PHACTR1: variants seen among roughly 807,000 people sequenced by gnomAD.
PHACTR1 encodes the protein phosphatase and actin regulator 1, also known as RPEL repeat containing 1.
Under a neutral mutation model 69.2 loss-of-function variants are expected in PHACTR1, and 16 were observed. The ratio of observed to expected loss-of-function variants is 0.23; its 90% CI spans 0.16 to 0.35. PHACTR1 has a LOEUF of 0.35. PHACTR1 is among the 10% of genes least tolerant of loss of function. PHACTR1 has a pLI of 1.00. For missense variants in PHACTR1, 510 were observed against 734.7 expected (o/e 0.69, Z 3.54); for synonymous variants, 312 against 284.5 (o/e 1.10, Z -0.97).
intron 4 of PHACTR1, among the ~76,000 whole-genome samples, chr6:12,873,000 T>G (rs1322399852): frequency 1.3e-5 from 2 of 151,824 alleles, no homozygotes; most frequent in African/African-American, 4.8e-5. Flanking sequence ...CTTTCCTTCC[T>G]TCCTTCCTTT....
chr6:12,992,112 G>A (rs1796889774), intron 4 of PHACTR1, among the ~76,000 whole-genome samples: 1 of 152,080 alleles, frequency 6.6e-6, no homozygotes, highest in Non-Finnish European at 1.5e-5. Flanking sequence ...TAGGTTAATA[G>A]AAGACAAGGC....
intron 5 of PHACTR1, among the ~76,000 whole-genome samples, chr6:13,160,003 A>G (rs545500952): frequency 6.6e-6 from 1 of 152,346 alleles, no homozygotes; most frequent in South Asian, 2.1e-4. Context: ...GGAAGCTTAA[A>G]TGACATCATC....
chr6:13,047,668 G>T (rs1805288470), intron 4 of PHACTR1, among the ~76,000 whole-genome samples: 1 of 152,102 alleles, frequency 6.6e-6, no homozygotes. Context: ...CTCCACTGGG[G>T]TCCCAAATGG....
At chr6:13,142,804 C>G (rs1822700540) in intron 5 of PHACTR1, among the ~76,000 whole-genome samples, 1 of 151,040 alleles carries the variant, frequency 6.6e-6, no homozygotes, top group South Asian at 2.1e-4. Flanking sequence ...ATTACTGTGG[C>G]TTTGTAGTAA....
rs1335792838 is a variant in PHACTR1 at position 13,213,275 on chromosome 6, T to G, written c.986+7139T>G. Among the ~76,000 whole-genome samples, 4 of 152,246 alleles carry G rather than the reference T, an allele frequency of 2.6e-5. No individual in the cohort carries two copies. The East Asian group carries it at 7.7e-4, about 29-fold the overall frequency. ...TCTTTAACCTTTTATATTTTCTTTA[T>G]TCTAACAATTTGAACTGTTCCCTCT... is the stretch of plus-strand genomic sequence containing the variant. On this transcript the variant is annotated intron_variant, in intron 8 of 14. Coordinates refer to ENST00000332995, the MANE Select transcript of PHACTR1 (RefSeq NM_030948.6).
chr6:12,996,842 C>T (rs1404550303), intron 4 of PHACTR1, among the ~76,000 whole-genome samples: 1 of 152,118 alleles, frequency 6.6e-6, no homozygotes, highest in Non-Finnish European at 1.5e-5. Context: ...TTAACCCAAG[C>T]CAGCAAACTA....
chr6:13,043,602 C>T (rs1463850718), intron 4 of PHACTR1, among the ~76,000 whole-genome samples: 10 of 152,230 alleles, frequency 6.6e-5, no homozygotes, highest in Non-Finnish European at 1.0e-4. Flanking sequence ...GCTGCTTTTA[C>T]AGTGCATCAG....
At chr6:12,871,846 C>G (rs1336113037) in intron 4 of PHACTR1, among the ~76,000 whole-genome samples, 1 of 151,896 alleles carries the variant, frequency 6.6e-6, no homozygotes, top group Admixed American at 6.6e-5. Flanking sequence ...CTCCCATTTC[C>G]TCTGCATTGA....
chr6:13,034,260 G>A (rs1475795546), intron 4 of PHACTR1, among the ~76,000 whole-genome samples: 3 of 151,700 alleles, frequency 2.0e-5, no homozygotes, highest in South Asian at 4.2e-4. Flanking sequence ...CTCGTGATCC[G>A]CCCGCCTCGG....
intron 4 of PHACTR1, among the ~76,000 whole-genome samples, chr6:12,867,013 A>G (rs900647645): frequency 3.3e-5 from 5 of 152,148 alleles, no homozygotes; most frequent in African/African-American, 7.2e-5. Flanking sequence ...AGCTTAGCTA[A>G]TAGTTTGGAA....
chr6:13,160,356 T>C (rs1378637290), intron 6 of PHACTR1, 72 bp downstream of exon 6: 4 of 1,287,878 alleles, frequency 3.1e-6, no homozygotes, highest in Non-Finnish European at 4.5e-6. Context: ...TTGCTTGGAG[T>C]TCCATTTCAT....
intron 8 of PHACTR1, among the ~76,000 whole-genome samples, chr6:13,224,602 A>T (rs529523674): frequency 1.3e-5 from 2 of 152,324 alleles, no homozygotes; most frequent in South Asian, 4.1e-4. Context: ...TTATAAAAAA[A>T]ACTCGTGCTA....
At chr6:12,791,861 G>A (rs1048606474) in intron 4 of PHACTR1, among the ~76,000 whole-genome samples, 1 of 152,200 alleles carries the variant, frequency 6.6e-6, no homozygotes, top group Non-Finnish European at 1.5e-5. Flanking sequence ...TTGCCTGAGG[G>A]TTGCACCATA....
At chr6:12,959,176 C>CAAAAAAAAAAAAAAAAAAAAAA (rs70989814) in intron 4 of PHACTR1, among the ~76,000 whole-genome samples, 9 of 46,216 alleles carry the variant, frequency 1.9e-4, no homozygotes, top group African/African-American at 3.7e-4. Flanking sequence ...GACTTTATCT[C>CAAAAAAAAAAAAAAAAAAAAAA]AAAAAAAAAA....
At chr6:13,022,348 C>A (rs1264269161) in intron 4 of PHACTR1, among the ~76,000 whole-genome samples, 1 of 152,174 alleles carries the variant, frequency 6.6e-6, no homozygotes, top group Non-Finnish European at 1.5e-5. Context: ...GCTGGAGGTG[C>A]CTAAAACCTA....
At chr6:13,205,444 T>A (rs1765766318) in intron 7 of PHACTR1, among the ~76,000 whole-genome samples, 1 of 152,228 alleles carries the variant, frequency 6.6e-6, no homozygotes, top group African/African-American at 2.4e-5. Flanking sequence ...AACCATAGTT[T>A]GGCGTATCCT....
chr6:12,890,892 C>A (rs1025089095), intron 4 of PHACTR1, among the ~76,000 whole-genome samples: 1 of 152,174 alleles, frequency 6.6e-6, no homozygotes, highest in African/African-American at 2.4e-5. Flanking sequence ...CTTCCCCTCA[C>A]TGATGTAAGT....
At chr6:12,737,396 T>TAC (rs1165449730) in intron 3 of PHACTR1, among the ~76,000 whole-genome samples, 3 of 90,098 alleles carry the variant, frequency 3.3e-5, no homozygotes, top group Non-Finnish European at 6.2e-5. Flanking sequence ...GATATTGTTT[T>TAC]ATACACACAC....
chr6:12,791,720 G>A (rs1296169685), intron 4 of PHACTR1, among the ~76,000 whole-genome samples: 3 of 152,158 alleles, frequency 2.0e-5, no homozygotes, highest in African/African-American at 7.2e-5. Flanking sequence ...TGTGTAGAAT[G>A]AATAGCACAG....
Sources: gnomAD v4.1 joint callset for allele counts (sites outside exome capture counted in the v4.1 genomes callset) on GRCh38, gnomAD v4.1.1 for gene constraint, MANE v1.5 for transcripts, NCBI Gene and HGNC (gene_info 2026-07-23, HGNC 2026-07-21) for gene names.